CGNL1: variants seen among roughly 807,000 people sequenced by gnomAD.
CGNL1 encodes cingulin like 1.
In CGNL1, 132 loss-of-function variants were observed where a neutral mutation model predicts 141.2. The observed-to-expected ratio is 0.93, with a 90% CI of 0.81 to 1.08. The LOEUF (loss-of-function observed/expected upper bound fraction) is 1.08. CGNL1 is among the 50% of genes least tolerant of loss of function. The pLI is 0.00. For synonymous variants in CGNL1, 690 were observed against 622.1 expected, an observed-to-expected ratio of 1.11 and a Z score of -1.63; for missense variants, 1,870 against 1,588.6, an observed-to-expected ratio of 1.18 and a Z score of -3.01.
chr15:57,411,833 T>G (rs1200845074), intron 1 of CGNL1, among the ~76,000 whole-genome samples: 1 of 152,082 alleles, frequency 6.6e-6, no homozygotes, highest in Non-Finnish European at 1.5e-5. Flanking sequence ...TGTATAGAGC[T>G]TCTTAATATC....
At chr15:57,482,452 A>G (rs1274780009) in intron 8 of CGNL1, among the ~76,000 whole-genome samples, 1 of 152,118 alleles carries the variant, frequency 6.6e-6, no homozygotes, top group Non-Finnish European at 1.5e-5. Context: ...GTCCATTTTG[A>G]GTTAAATTTT....
At chr15:57,408,791 T>A (rs2062752071) in intron 1 of CGNL1, among the ~76,000 whole-genome samples, 1 of 152,054 alleles carries the variant, frequency 6.6e-6, no homozygotes, top group African/African-American at 2.4e-5. Context: ...ATCCCAGCAC[T>A]TTGGGAGGCC....
At chr15:57,471,762 A>G (rs1382463148) in intron 8 of CGNL1, among the ~76,000 whole-genome samples, 4 of 152,198 alleles carry the variant, frequency 2.6e-5, no homozygotes, top group African/African-American at 7.2e-5. Flanking sequence ...GTCAATGTCT[A>G]ACTGTTGGGA....
chr15:57,541,390 G>C (rs1176295018), intron 14 of CGNL1, among the ~76,000 whole-genome samples: 1 of 152,218 alleles, frequency 6.6e-6, no homozygotes, highest in Non-Finnish European at 1.5e-5. Flanking sequence ...TCAGTGGCTG[G>C]TTCAGAAACC....
intron 8 of CGNL1, among the ~76,000 whole-genome samples, chr15:57,477,191 C>T (rs1226042697): frequency 6.6e-6 from 1 of 152,032 alleles, no homozygotes; most frequent in Non-Finnish European, 1.5e-5. Context: ...ACAAAGAAGT[C>T]AAGCAAATAA....
chr15:57,431,703 A>G (rs1378948150), intron 1 of CGNL1, among the ~76,000 whole-genome samples: 1 of 150,320 alleles, frequency 6.7e-6, no homozygotes, highest in Admixed American at 6.7e-5. Flanking sequence ...ATTCGTAAAC[A>G]TTCTTAAAAC....
At position 57,523,551 on chromosome 15, in the gene CGNL1, T is replaced by C; in HGVS notation, c.2778T>C (p.Ser926=). Residue 926 remains serine, a synonymous_variant, in exon 11 of 19, where the codon AGT becomes AGC. Coordinates refer to ENST00000281282, the MANE Select transcript of CGNL1 (RefSeq NM_032866.5). Reference sequence around the variant, plus strand: ...TGTCTGAGAAGCTCAAAGAGGAGAGTGAGCAGAAGGAGCAGCTAAGAAGGT... The same window carrying C: ...TGTCTGAGAAGCTCAAAGAGGAGAGCGAGCAGAAGGAGCAGCTAAGAAGGT... ...KQLSEKLKEE[S]EQKEQLRRLK... is the part of the protein sequence containing the mutation. 3.7e-6 allele frequency: 6 copies of C among 1,613,442 alleles called. No homozygotes were observed. The highest frequency in any genetic ancestry group is 5.1e-6 in the Non-Finnish European group (6 of 1,179,858).
intron 8 of CGNL1, among the ~76,000 whole-genome samples, chr15:57,484,126 G>T (rs1207519380): frequency 6.6e-6 from 1 of 152,128 alleles, no homozygotes; most frequent in African/African-American, 2.4e-5. Flanking sequence ...CATTAAATGA[G>T]CTGAGAAGGA....
At chr15:57,499,047 T>A (rs1401704099) in intron 8 of CGNL1, among the ~76,000 whole-genome samples, 3 of 152,114 alleles carry the variant, frequency 2.0e-5, no homozygotes, top group African/African-American at 7.2e-5. Context: ...TCAAAATAAT[T>A]TCTCCTGCCC....
chr15:57,535,088 T>TG (rs1419014195), intron 14 of CGNL1, among the ~76,000 whole-genome samples: 2 of 152,284 alleles, frequency 1.3e-5, no homozygotes, highest in African/African-American at 4.8e-5. Context: ...TCTCCCCACT[T>TG]CACTGTAATG....
intron 1 of CGNL1, among the ~76,000 whole-genome samples, chr15:57,414,091 GT>G (rs367733573): frequency 6.6e-6 from 1 of 152,198 alleles, no homozygotes; most frequent in Non-Finnish European, 1.5e-5. Context: ...TCTGGCTGCT[GT>G]TTTTTGTAAA....
intron 1 of CGNL1, among the ~76,000 whole-genome samples, chr15:57,413,185 C>CTT (rs1227635327): frequency 1.7e-4 from 26 of 150,856 alleles, no homozygotes; most frequent in South Asian, 4.2e-4. Context: ...TTCTTTCTTT[C>CTT]TCTCTTTCTC....
intron 8 of CGNL1, among the ~76,000 whole-genome samples, chr15:57,487,473 T>C (rs117024341): frequency 2.6e-5 from 4 of 152,312 alleles, no homozygotes; most frequent in South Asian, 2.1e-4. Context: ...AGGATACATA[T>C]TTTTCTCAAA....
chr15:57,519,995 C>A (rs1412802814), intron 10 of CGNL1, among the ~76,000 whole-genome samples: 1 of 152,168 alleles, frequency 6.6e-6, no homozygotes, highest in East Asian at 1.9e-4. Context: ...TTAATGTAAT[C>A]CCCACCCACC....
At chr15:57,499,868 G>A (rs1375585751) in intron 8 of CGNL1, among the ~76,000 whole-genome samples, 1 of 152,212 alleles carries the variant, frequency 6.6e-6, no homozygotes, top group African/African-American at 2.4e-5. Flanking sequence ...AGATCAGATG[G>A]AATAGGTAGA....
At chr15:57,452,880 A>G (rs1188607260) in intron 6 of CGNL1, among the ~76,000 whole-genome samples, 1 of 152,192 alleles carries the variant, frequency 6.6e-6, no homozygotes, top group African/African-American at 2.4e-5. Flanking sequence ...TCAAGTGGGA[A>G]TGAAATCTAG....
intron 14 of CGNL1, among the ~76,000 whole-genome samples, chr15:57,539,479 G>T (rs1312715672): frequency 2.0e-5 from 3 of 152,150 alleles, no homozygotes; most frequent in African/African-American, 7.2e-5. Context: ...CCTAACAATA[G>T]GTGTGGGCAT....
chr15:57,390,396 TGTCA>T (rs1243091106), intron 1 of CGNL1, among the ~76,000 whole-genome samples: 1 of 152,248 alleles, frequency 6.6e-6, no homozygotes, highest in Non-Finnish European at 1.5e-5. Context: ...AGCAGCCCAC[TGTCA>T]GTTCTGCCAA....
rs548965683 is a variant in CGNL1, at chr15:57,488,991, G to A, written c.2403+27099G>A. 1.1e-4 allele frequency among the ~76,000 whole-genome samples: 16 copies of A among 152,254 alleles called. No homozygotes were observed. The South Asian group carries it at 3.3e-3, about 32-fold the overall frequency. On this transcript the variant is annotated intron_variant, in intron 8 of 18. Coordinates refer to ENST00000281282, the MANE Select transcript of CGNL1 (RefSeq NM_032866.5). ...CTCACAACAGCCTGTCTATAAGTGGGCCCAGTGCTGTCTAGTCCGGAATTT... is the reference window on the plus strand; with the variant it reads ...CTCACAACAGCCTGTCTATAAGTGGACCCAGTGCTGTCTAGTCCGGAATTT...
Sources: allele counts gnomAD v4.1 joint callset (sites outside exome capture counted in the v4.1 genomes callset), GRCh38; gene constraint gnomAD v4.1.1; transcripts MANE v1.5; gene names NCBI Gene and HGNC (gene_info 2026-07-23, HGNC 2026-07-21).